Variants in AIMP1 observed in about 807,000 individuals in gnomAD.
AIMP1 encodes aminoacyl tRNA synthase complex-interacting multifunctional protein 1.
Under a neutral mutation model 33.1 loss-of-function variants are expected in AIMP1, and 24 were observed. The ratio of observed to expected loss-of-function variants is 0.73; its 90% CI spans 0.53 to 1.02. AIMP1 has a LOEUF of 1.02. AIMP1 is among the 50% of genes least tolerant of loss of function. AIMP1 has a pLI of 0.00. For synonymous variants in AIMP1, 120 were observed against 121.5 expected, an observed-to-expected ratio of 0.99 and a Z score of 0.08; for missense variants, 367 against 364.8, an observed-to-expected ratio of 1.01 and a Z score of -0.05.
chr4:106,347,120 C>T (rs1362525228), intron 6 of AIMP1, among the ~76,000 whole-genome samples: 1 of 152,068 alleles, frequency 6.6e-6, no homozygotes, highest in African/African-American at 2.4e-5. Context: ...AGGAAATCTG[C>T]CCCTATAATC....
chr4:106,335,883 A>G (rs973325998), intron 5 of AIMP1, among the ~76,000 whole-genome samples: 1 of 151,770 alleles, frequency 6.6e-6, no homozygotes, highest in African/African-American at 2.4e-5. Context: ...AAATAACTAT[A>G]TTTCTTACTT....
intron 5 of AIMP1, among the ~76,000 whole-genome samples, chr4:106,333,480 A>G (rs937085746): frequency 2.0e-5 from 3 of 152,174 alleles, no homozygotes; most frequent in Non-Finnish European, 4.4e-5. Flanking sequence ...TAACAAGCTC[A>G]TTTCTTTTAG....
At chr4:106,327,810 A>G (rs1391883956) in intron 3 of AIMP1, among the ~76,000 whole-genome samples, 1 of 152,176 alleles carries the variant, frequency 6.6e-6, no homozygotes, top group African/African-American at 2.4e-5. Flanking sequence ...GTTCATAATA[A>G]ATGTTAGCTG....
rs1770387123 is a variant in AIMP1, at chr4:106,348,524, C to T, written c.*832C>T. 6.6e-6 allele frequency: 1 copy of T among 151,426 alleles called. No individual in the cohort carries two copies. Among genetic ancestry groups the T allele is most frequent in the East Asian group, 1.9e-4 (1 of 5,166 alleles). The allele number at this position is 151,426 out of a possible 1,614,324, so 9.4% of individuals were successfully genotyped here. ...ACTGATATTTTGCTTTTTCATGTGTCATCATACTGTCAGTATATTAAAAGA... is the reference window on the plus strand; with the variant it reads ...ACTGATATTTTGCTTTTTCATGTGTTATCATACTGTCAGTATATTAAAAGA... On this transcript the variant is annotated 3_prime_UTR_variant, in exon 7 of 7. Coordinates refer to ENST00000672341, the MANE Select transcript of AIMP1 (RefSeq NM_001142416.2).
chr4:106,341,102 A>T (rs1302112224), intron 6 of AIMP1, among the ~76,000 whole-genome samples: 1 of 151,848 alleles, frequency 6.6e-6, no homozygotes, highest in East Asian at 1.9e-4. Context: ...TAATGGAGTT[A>T]TTTGTTTTTT....
At chr4:106,338,715 C>T (rs1769985611) in intron 6 of AIMP1, among the ~76,000 whole-genome samples, 1 of 152,214 alleles carries the variant, frequency 6.6e-6, no homozygotes, top group African/African-American at 2.4e-5. Context: ...TGGGGCACTG[C>T]CTAGTGGAGC....
At position 106,347,617 on chromosome 4, in the gene AIMP1, CAAAGGAGTTCCCTTTGAGGTG is replaced by C; in HGVS notation, c.870_890del (p.Val291_Gly297del). 2 of 1,613,302 alleles carry C rather than the reference CAAAGGAGTTCCCTTTGAGGTG, an allele frequency of 1.2e-6. No individual in the cohort carries two copies. The highest frequency in any genetic ancestry group is 1.7e-6 in the Non-Finnish European group (2 of 1,179,640). On this transcript the variant is annotated inframe_deletion, in exon 7 of 7. Coordinates refer to ENST00000672341, the MANE Select transcript of AIMP1 (RefSeq NM_001142416.2). ...CTAATGATGAGTGTGTGGCTACATA[CAAAGGAGTTCCCTTTGAGGTG>C]AAAGGGAAGGGAGTATGTAGGGCTC...
In AIMP1 at chr4:106,335,925, C is replaced by G. The variant is rs560151624; in HGVS notation, c.604-944C>G. On this transcript the variant is annotated intron_variant, in intron 5 of 6. Coordinates refer to ENST00000672341, the MANE Select transcript of AIMP1 (RefSeq NM_001142416.2). ...GTTGGAGAAAAAAATTAAGACACTT[C>G]AAATATGAAGATTAAAGAAATTTCC... is the stretch of plus-strand genomic sequence containing the variant. 2.0e-4 allele frequency among the ~76,000 whole-genome samples: 29 copies of G among 146,632 alleles called. 1 individual carries two copies. The South Asian group carries it at 5.3e-3, about 27-fold the overall frequency.
At chr4:106,345,230 T>A (rs1363105590) in intron 6 of AIMP1, among the ~76,000 whole-genome samples, 1 of 152,186 alleles carries the variant, frequency 6.6e-6, no homozygotes, top group Non-Finnish European at 1.5e-5. Flanking sequence ...CAATCTATAT[T>A]CTTTATAAGA....
intron 6 of AIMP1, among the ~76,000 whole-genome samples, chr4:106,342,275 T>C (rs1339225345): frequency 1.3e-5 from 2 of 152,226 alleles, no homozygotes; most frequent in African/African-American, 4.8e-5. Flanking sequence ...TTGGATGCCT[T>C]TTCTTTCTCT....
At chr4:106,326,218 G>A (rs1270632357) in intron 2 of AIMP1, among the ~76,000 whole-genome samples, 5 of 152,066 alleles carry the variant, frequency 3.3e-5, no homozygotes, top group African/African-American at 1.2e-4. Context: ...TAATAAGCAT[G>A]CTTAAAAACA....
chr4:106,335,331 A>C (rs377234585), intron 5 of AIMP1, among the ~76,000 whole-genome samples: 1 of 152,258 alleles, frequency 6.6e-6, no homozygotes, highest in African/African-American at 2.4e-5. Context: ...TGTTCTTATA[A>C]GTTGTAGACT....
At chr4:106,319,991 C>T (rs954141789) in intron 1 of AIMP1, among the ~76,000 whole-genome samples, 2 of 152,170 alleles carry the variant, frequency 1.3e-5, no homozygotes, top group Admixed American at 6.5e-5. Context: ...TTCAAGTTTT[C>T]TTCTCTGTAT....
intron 1 of AIMP1, among the ~76,000 whole-genome samples, chr4:106,322,204 C>G (rs1398039019): frequency 6.6e-6 from 1 of 152,010 alleles, no homozygotes; most frequent in Admixed American, 6.6e-5. Context: ...ATATGTTTAT[C>G]TGCTGACCTT....
chr4:106,328,578 A>G (rs1451330770), intron 4 of AIMP1, among the ~76,000 whole-genome samples: 1 of 152,212 alleles, frequency 6.6e-6, no homozygotes, highest in Non-Finnish European at 1.5e-5. Flanking sequence ...AGTCACAGAT[A>G]GGAAACTAGC....
intron 5 of AIMP1, among the ~76,000 whole-genome samples, chr4:106,334,276 C>CTT (rs34085907): frequency 2.2e-5 from 3 of 139,304 alleles, no homozygotes; most frequent in East Asian, 2.1e-4. Context: ...TTTCTTTTTT[C>CTT]TTTTTTTTTT....
chr4:106,341,298 T>C (rs188050371), intron 6 of AIMP1, among the ~76,000 whole-genome samples: 241 of 152,312 alleles, frequency 1.6e-3, no homozygotes, highest in African/African-American at 5.3e-3. Flanking sequence ...GCAATTGCTT[T>C]TGGAGACTTC....
chr4:106,328,324 G>A (rs1769538814), intron 4 of AIMP1, 81 bp downstream of exon 4: 2 of 1,451,462 alleles, frequency 1.4e-6, no homozygotes, highest in African/African-American at 1.4e-5. Context: ...AATAATAATA[G>A]TATCAAAAGT....
At chr4:106,331,545 G>A (rs1349534248) in intron 4 of AIMP1, 127 bp from the exon 5 acceptor site, 8 of 752,416 alleles carry the variant, frequency 1.1e-5, no homozygotes, top group South Asian at 1.6e-5. Flanking sequence ...TTTAAGTGAA[G>A]GTAGGAGATA....
Sources: gnomAD v4.1 joint callset for allele counts (sites outside exome capture counted in the v4.1 genomes callset) on GRCh38, gnomAD v4.1.1 for gene constraint, MANE v1.5 for transcripts, NCBI Gene and HGNC (gene_info 2026-07-23, HGNC 2026-07-21) for gene names.